Variants in SYN2 observed in about 807,000 individuals in gnomAD.
SYN2 encodes synapsin-2.
In SYN2, 19 loss-of-function variants were observed where a neutral mutation model predicts 50.9. The ratio of observed to expected loss-of-function variants is 0.37; its 90% CI spans 0.26 to 0.55. SYN2 has a LOEUF of 0.55. SYN2 is among the 20% of genes least tolerant of loss of function. The pLI, the probability that SYN2 is intolerant of heterozygous loss-of-function variation, is 0.81. For missense variants in SYN2, 587 were observed against 576.4 expected (o/e 1.02, Z -0.19); for synonymous variants, 255 against 224.9 (o/e 1.13, Z -1.20).
intron 1 of SYN2, among the ~76,000 whole-genome samples, chr3:12,107,024 T>C (rs927199130): frequency 6.6e-6 from 1 of 151,954 alleles, no homozygotes; most frequent in African/African-American, 2.4e-5. Context: ...TGTGTGTGTG[T>C]GTGTGTGTGT....
chr3:12,180,704 G>T (rs562582494), intron 10 of SYN2, among the ~76,000 whole-genome samples: 5 of 152,322 alleles, frequency 3.3e-5, no homozygotes, highest in East Asian at 1.9e-4. Context: ...GCCATCAAGG[G>T]TGGCCAAAGC....
At chr3:12,093,609 A>G (rs1303894735) in intron 1 of SYN2, among the ~76,000 whole-genome samples, 1 of 152,184 alleles carries the variant, frequency 6.6e-6, no homozygotes, top group Non-Finnish European at 1.5e-5. Flanking sequence ...GAAACTTAGT[A>G]GTAACGATAC....
intron 1 of SYN2, among the ~76,000 whole-genome samples, chr3:12,137,669 C>T (rs1021983858): frequency 2.6e-5 from 4 of 152,154 alleles, no homozygotes; most frequent in Admixed American, 6.5e-5. Flanking sequence ...GTGCTGAAAG[C>T]ATATCACTAA....
chr3:12,163,006 C>T lies in SYN2; in HGVS notation c.980+852C>T, dbSNP rs190890370. 2.1e-3 allele frequency among the ~76,000 whole-genome samples: 326 copies of T among 152,080 alleles called. 1 individual carries two copies. The highest frequency in any genetic ancestry group is 8.5e-3 in the South Asian group (41 of 4,822). On this transcript the variant is annotated intron_variant, in intron 7 of 12. Transcript: ENST00000621198. ...CTGTAATCCCAGCACTTTGGGAGGC[C>T]GAGGCGGGCGGATCACGAGGTCAGG...
chr3:12,152,996 A>G (rs1337299611), intron 5 of SYN2: 1 of 200,388 alleles, frequency 5.0e-6, no homozygotes. Context: ...ACTCCCCCAA[A>G]CAGATGAAAG....
intron 10 of SYN2, among the ~76,000 whole-genome samples, chr3:12,174,763 A>G (rs1698025216): frequency 6.6e-6 from 1 of 152,182 alleles, no homozygotes; most frequent in Non-Finnish European, 1.5e-5. Flanking sequence ...TACAGGCATG[A>G]GCCACCGCGC....
At chr3:12,072,643 G>A (rs1302359163) in intron 1 of SYN2, among the ~76,000 whole-genome samples, 1 of 152,096 alleles carries the variant, frequency 6.6e-6, no homozygotes, top group African/African-American at 2.4e-5. Flanking sequence ...AAATGTGAAG[G>A]TCTATTTCTG....
intron 9 of SYN2, 41 bp downstream of exon 9, chr3:12,168,519 TAAGA>T: frequency 1.3e-6 from 2 of 1,547,168 alleles, no homozygotes; most frequent in Non-Finnish European, 1.8e-6. Context: ...TCCTAAGGCT[TAAGA>T]ACTATGTGGG....
Position 12,145,757 on chromosome 3 carries a change from C to G in SYN2, c.606C>G (p.Ile202Met), listed in dbSNP as rs779601009. Residue 202 changes from isoleucine to methionine, a missense_variant, in exon 4 of 13, where the codon ATC becomes ATG. By Grantham distance (10) the Ile-to-Met change is conservative. Transcript: ENST00000621198. ...AGAATGAGGACTTCCGCCACCTGATCATTGGTATGCAGTATGCAGGCCTCC... is the reference window on the plus strand; with the variant it reads ...AGAATGAGGACTTCCGCCACCTGATGATTGGTATGCAGTATGCAGGCCTCC... ...MAENEDFRHL[I>M]IGMQYAGLPS... The G allele has an allele frequency of 6.2e-7, 1 of 1,614,016 alleles. No individual in the cohort carries two copies. Among genetic ancestry groups the G allele is most frequent in the South Asian group, 1.1e-5 (1 of 91,086 alleles).
At chr3:12,006,704 C>T (rs943558208) in intron 1 of SYN2, among the ~76,000 whole-genome samples, 4 of 152,192 alleles carry the variant, frequency 2.6e-5, no homozygotes, top group African/African-American at 9.7e-5. Flanking sequence ...CAAGCTCCCT[C>T]TAGGCAGTGT....
intron 1 of SYN2, among the ~76,000 whole-genome samples, chr3:12,075,960 A>G (rs1431207492): frequency 6.6e-6 from 1 of 152,180 alleles, no homozygotes; most frequent in African/African-American, 2.4e-5. Flanking sequence ...TTTAGATCAT[A>G]TGTTAATTCA....
chr3:12,097,946 T>C (rs1289391624), intron 1 of SYN2, among the ~76,000 whole-genome samples: 2 of 152,060 alleles, frequency 1.3e-5, no homozygotes, highest in African/African-American at 4.8e-5. Flanking sequence ...ATGGCACATG[T>C]ATACATATGT....
At chr3:12,138,742 T>C (rs1574961326) in intron 1 of SYN2, among the ~76,000 whole-genome samples, 2 of 152,324 alleles carry the variant, frequency 1.3e-5, no homozygotes, top group Admixed American at 1.3e-4. Context: ...GAGATTTACC[T>C]CACAGAAGGA....
rs578204254 is a variant in SYN2, at chr3:12,065,553, A to G, written c.377+60625A>G. 1.1e-4 allele frequency among the ~76,000 whole-genome samples: 16 copies of G among 152,304 alleles called. 1 individual carries two copies. The highest frequency in any genetic ancestry group is 1.0e-3 in the Admixed American group (16 of 15,284). The stretch of plus-strand genomic sequence containing the variant: ...ATGAAATTATGTCCTTTTCAGCAAA[A>G]TGTATGCAGCTGGAGGCCATTATCC... On this transcript the variant is annotated intron_variant, in intron 1 of 12. Coordinates refer to ENST00000621198, the MANE Select transcript of SYN2 (RefSeq NM_133625.6).
At chr3:12,108,420 TA>T (rs1377415406) in intron 1 of SYN2, among the ~76,000 whole-genome samples, 1 of 152,156 alleles carries the variant, frequency 6.6e-6, no homozygotes, top group Non-Finnish European at 1.5e-5. Flanking sequence ...AACAAACTGA[TA>T]AAAAATCTCC....
chr3:12,030,845 A>AT (rs1474146565), intron 1 of SYN2, among the ~76,000 whole-genome samples: 2 of 123,360 alleles, frequency 1.6e-5, no homozygotes, highest in Non-Finnish European at 3.4e-5. Flanking sequence ...GGATTCATTG[A>AT]TTTTTTGAAG....
At chr3:12,166,439 A>G (rs1697799870) in intron 7 of SYN2, among the ~76,000 whole-genome samples, 1 of 152,224 alleles carries the variant, frequency 6.6e-6, no homozygotes, top group South Asian at 2.1e-4. Flanking sequence ...GACTCTCTGA[A>G]GGTCACCCAG....
intron 1 of SYN2, among the ~76,000 whole-genome samples, chr3:12,026,621 A>G (rs1401868889): frequency 6.6e-6 from 1 of 152,158 alleles, no homozygotes; most frequent in Non-Finnish European, 1.5e-5. Flanking sequence ...GGCAGAAGAT[A>G]TGAAAAGACA....
chr3:12,190,698 G>A lies in SYN2; in HGVS notation c.*73G>A, dbSNP rs949014256. ...GACATTCACCAACAACAGTCAGCCA[G>A]CTTGGTGGTTATGTCCCATGACCTT... On this transcript the variant is annotated 3_prime_UTR_variant, in exon 13 of 13. Coordinates refer to ENST00000621198, the MANE Select transcript of SYN2 (RefSeq NM_133625.6). 3.4e-5 allele frequency: 54 copies of A among 1,572,948 alleles called. No individual in the cohort carries two copies. In the East Asian group the frequency reaches 1.2e-3, roughly 35 times the overall value.
Sources: gnomAD v4.1 joint callset for allele counts (sites outside exome capture counted in the v4.1 genomes callset) on GRCh38, gnomAD v4.1.1 for gene constraint, MANE v1.5 for transcripts, NCBI Gene and HGNC (gene_info 2026-07-23, HGNC 2026-07-21) for gene names.